Variants in ESR1 observed in about 807,000 individuals in gnomAD.
ESR1 encodes the protein estrogen receptor 1.
Under a neutral mutation model 52.7 loss-of-function variants are expected in ESR1, and 12 were observed. That is an observed-to-expected ratio of 0.23 (90% CI 0.15 to 0.37). The LOEUF (loss-of-function observed/expected upper bound fraction) is 0.37. Among genes scored for constraint, ESR1 ranks in the 10% least tolerant of loss-of-function variants. The pLI, the probability that ESR1 is intolerant of heterozygous loss-of-function variation, is 1.00. For synonymous variants in ESR1, 305 were observed against 316.8 expected (o/e 0.96, Z 0.39); for missense variants, 584 against 779.7 (o/e 0.75, Z 2.99).
intron 6 of ESR1, among the ~76,000 whole-genome samples, chr6:152,090,876 C>T (rs1016376187): frequency 1.3e-5 from 2 of 152,206 alleles, no homozygotes; most frequent in South Asian, 2.1e-4. Context: ...TCCTAAATAT[C>T]CCCTTATTGG....
chr6:151,679,535 A>T (rs1397495173), intron 1 of ESR1, among the ~76,000 whole-genome samples: 1 of 152,032 alleles, frequency 6.6e-6, no homozygotes, highest in Non-Finnish European at 1.5e-5. Context: ...TTTTTAGTAG[A>T]GACAGGGTTT....
At chr6:151,737,133 CT>C (rs1007271839) in intron 2 of ESR1, among the ~76,000 whole-genome samples, 27 of 152,006 alleles carry the variant, frequency 1.8e-4, no homozygotes, top group African/African-American at 6.0e-4. Context: ...CTTCCCCATG[CT>C]TTTTTTCAGC....
chr6:151,991,311 C>T (rs533220257), intron 4 of ESR1, among the ~76,000 whole-genome samples: 17 of 152,142 alleles, frequency 1.1e-4, no homozygotes, highest in African/African-American at 4.1e-4. Context: ...AACATTTATT[C>T]TGTAGAATTT....
intron 6 of ESR1, among the ~76,000 whole-genome samples, chr6:152,124,220 C>G (rs1335941805): frequency 9.9e-5 from 15 of 152,106 alleles, no homozygotes; most frequent in Non-Finnish European, 2.1e-4. Flanking sequence ...GCAGGAGAAT[C>G]GCTTGAACCC....
At chr6:152,121,724 T>C (rs996809585) in intron 6 of ESR1, 5 of 152,416 alleles carry the variant, frequency 3.3e-5, no homozygotes, top group African/African-American at 7.3e-5. Context: ...AAGAAATCAA[T>C]ACAAACAAAA....
At chr6:151,937,202 CTCTA>C (rs1307160165) in intron 3 of ESR1, among the ~76,000 whole-genome samples, 1 of 152,156 alleles carries the variant, frequency 6.6e-6, no homozygotes, top group Non-Finnish European at 1.5e-5. Context: ...AACCAGTAAA[CTCTA>C]TCTAAAATAA....
chr6:152,069,036 C>T lies in ESR1; in HGVS notation c.1369+7912C>T, dbSNP rs192335895. 1.5e-4 allele frequency among the ~76,000 whole-genome samples: 20 copies of T among 137,446 alleles called. 3 individuals carry two copies. The South Asian group carries it at 3.0e-3, about 20-fold the overall frequency. 90.2% of individuals were successfully genotyped at this position (137,446 alleles called of 152,430 possible). On this transcript the variant is annotated intron_variant, in intron 6 of 7. Transcript: ENST00000206249. ...TGAGAACTGATCCTTTGCTGAGTGA[C>T]GAGGACATTATTGAACCGCCAGGCT...
At chr6:151,828,563 A>G (rs898427620) in intron 1 of ESR1, among the ~76,000 whole-genome samples, 1 of 152,236 alleles carries the variant, frequency 6.6e-6, no homozygotes, top group Non-Finnish European at 1.5e-5. Context: ...GCTGCAAAGT[A>G]CATGGAAGGG....
At chr6:151,666,191 G>C (rs1056555511) in intron 1 of ESR1, among the ~76,000 whole-genome samples, 21 of 152,244 alleles carry the variant, frequency 1.4e-4, no homozygotes, top group African/African-American at 4.8e-4. Context: ...CTTAGGTTTG[G>C]AGATATTTTA....
At chr6:151,964,428 C>G (rs2038023281) in intron 4 of ESR1, among the ~76,000 whole-genome samples, 1 of 151,992 alleles carries the variant, frequency 6.6e-6, no homozygotes, top group African/African-American at 2.4e-5. Context: ...GCTGTTGTTG[C>G]TATTGTAAAT....
intron 3 of ESR1, among the ~76,000 whole-genome samples, chr6:151,917,570 A>G (rs533883496): frequency 3.3e-5 from 5 of 152,304 alleles, no homozygotes; most frequent in African/African-American, 9.6e-5. Context: ...ACACATGTGG[A>G]TGCTACTTGC....
chr6:152,062,954 T>G lies in ESR1; in HGVS notation c.1369+1830T>G, dbSNP rs9341025. On this transcript the variant is annotated intron_variant, in intron 6 of 7. Transcript: ENST00000206249. The stretch of plus-strand genomic sequence containing the variant: ...CTATGGCAGAGTGAGTTTTTAAAAC[T>G]ATTATGCAAGAAATATCAGGATTTT... Among the ~76,000 whole-genome samples, 716 of 152,306 alleles carry G rather than the reference T, an allele frequency of 4.7e-3. 4 individuals carry two copies. Among genetic ancestry groups the G allele is most frequent in the Admixed American group, 8.1e-3 (124 of 15,306 alleles).
At chr6:151,843,778 G>T (rs555349122) in intron 2 of ESR1, among the ~76,000 whole-genome samples, 1 of 152,078 alleles carries the variant, frequency 6.6e-6, no homozygotes, top group Admixed American at 6.6e-5. Flanking sequence ...ACCAGAGTCC[G>T]CTAAGTTAAT....
At chr6:151,967,411 C>T (rs544087935) in intron 4 of ESR1, among the ~76,000 whole-genome samples, 197 of 152,194 alleles carry the variant, frequency 1.3e-3, no homozygotes, top group African/African-American at 4.4e-3. Flanking sequence ...TTCAACTCCC[C>T]CTTATGAGTG....
chr6:152,090,543 C>A (rs1202471519), intron 6 of ESR1, among the ~76,000 whole-genome samples: 2 of 152,182 alleles, frequency 1.3e-5, no homozygotes, highest in Non-Finnish European at 2.9e-5. Flanking sequence ...GCAAGGGGAC[C>A]CCTAGTTGTA....
intron 5 of ESR1, among the ~76,000 whole-genome samples, chr6:152,047,811 G>A (rs1224125561): frequency 6.6e-6 from 1 of 152,062 alleles, no homozygotes; most frequent in Non-Finnish European, 1.5e-5. Flanking sequence ...CTCTGATGTC[G>A]CTTGGCCGGG....
intron 4 of ESR1, among the ~76,000 whole-genome samples, chr6:151,956,864 A>C (rs969314584): frequency 8.6e-5 from 7 of 81,128 alleles, no homozygotes; most frequent in Non-Finnish European, 2.3e-4. Flanking sequence ...ATATATATAA[A>C]TATATATATA....
At chr6:152,056,573 G>C (rs939420893) in intron 5 of ESR1, among the ~76,000 whole-genome samples, 16 of 152,164 alleles carry the variant, frequency 1.1e-4, no homozygotes, top group African/African-American at 3.1e-4. Context: ...CTGAAAAACA[G>C]GCTTTTATTT....
chr6:152,079,531 G>A (rs1232472010), intron 6 of ESR1, among the ~76,000 whole-genome samples: 1 of 152,184 alleles, frequency 6.6e-6, no homozygotes, highest in East Asian at 1.9e-4. Context: ...CAAAGATGGG[G>A]AGAAACCAGA....
Sources: gnomAD v4.1 joint callset for allele counts (sites outside exome capture counted in the v4.1 genomes callset) on GRCh38, gnomAD v4.1.1 for gene constraint, MANE v1.5 for transcripts, NCBI Gene and HGNC (gene_info 2026-07-23, HGNC 2026-07-21) for gene names.